MAML3: variants seen among roughly 807,000 people sequenced by gnomAD.
The protein encoded by MAML3 is mastermind-like protein 3.
A neutral mutation model predicts 101.9 loss-of-function variants in MAML3; 27 were observed. That is an observed-to-expected ratio of 0.27 (90% confidence interval 0.20 to 0.37). The LOEUF is 0.37. Among genes scored for constraint, MAML3 ranks in the 10% least tolerant of loss-of-function variants. The probability of loss-of-function intolerance (pLI) is 1.00; values close to 1 mark genes in which losing one functional copy is unlikely to be tolerated. For missense variants in MAML3, 1,316 were observed against 1,444.9 expected (o/e 0.91, Z 1.45); for synonymous variants, 501 against 555.9 (o/e 0.90, Z 1.39).
intron 1 of MAML3, among the ~76,000 whole-genome samples, chr4:140,120,935 C>G (rs1262172473): frequency 6.6e-6 from 1 of 152,044 alleles, no homozygotes; most frequent in African/African-American, 2.4e-5. Flanking sequence ...CTTCTACTAT[C>G]AACAAAAATC....
intron 2 of MAML3, among the ~76,000 whole-genome samples, chr4:139,860,764 T>C (rs2667365): frequency 0.56 from 84,615 of 152,028 alleles, 26,795 homozygotes; most frequent in African/African-American, 0.86. Context: ...TATGAGGTAT[T>C]GTAGGTACTC....
At chr4:140,074,199 G>GAGAAAGAAAGAGAAAGAA (rs1727719723) in intron 1 of MAML3, among the ~76,000 whole-genome samples, 1 of 81,962 alleles carries the variant, frequency 1.2e-5, no homozygotes, top group Admixed American at 1.3e-4. Context: ...GAGAAAGAAA[G>GAGAAAGAAAGAGAAAGAA]AGAAAGAAAG....
chr4:139,749,101 C>T (rs1177429021), intron 2 of MAML3, among the ~76,000 whole-genome samples: 1 of 152,100 alleles, frequency 6.6e-6, no homozygotes, highest in East Asian at 1.9e-4. Flanking sequence ...TATTTCCTTC[C>T]TCAGGAAAGA....
intron 1 of MAML3, among the ~76,000 whole-genome samples, chr4:139,999,850 T>A (rs9999045): frequency 0.5 from 75,645 of 152,052 alleles, 19,264 homozygotes; most frequent in East Asian, 0.65. Flanking sequence ...GGGGCCTCAG[T>A]TCTGGATATA....
chr4:140,031,970 G>A (rs2110892604), intron 1 of MAML3, among the ~76,000 whole-genome samples: 1 of 152,326 alleles, frequency 6.6e-6, no homozygotes, highest in East Asian at 1.9e-4. Flanking sequence ...CTAACTTGCA[G>A]TCTCTGTCTG....
chr4:140,049,529 G>A (rs757081671), intron 1 of MAML3, among the ~76,000 whole-genome samples: 4 of 152,212 alleles, frequency 2.6e-5, no homozygotes, highest in Admixed American at 2.6e-4. Flanking sequence ...AGAGCAGGCT[G>A]AGCTTAATAT....
At chr4:139,849,556 G>A (rs775014420) in intron 2 of MAML3, among the ~76,000 whole-genome samples, 9 of 152,204 alleles carry the variant, frequency 5.9e-5, no homozygotes, top group Non-Finnish European at 4.4e-5. Flanking sequence ...TTGTTCACAG[G>A]AAGGAGGAAT....
intron 1 of MAML3, among the ~76,000 whole-genome samples, chr4:139,902,246 C>A (rs1159609114): frequency 1.0e-5 from 1 of 99,648 alleles, no homozygotes; most frequent in African/African-American, 3.2e-5. Flanking sequence ...CAGGCGCGCA[C>A]GCACACGCAC....
intron 1 of MAML3, among the ~76,000 whole-genome samples, chr4:139,980,105 G>A (rs1157766187): frequency 6.6e-6 from 1 of 152,160 alleles, no homozygotes; most frequent in Non-Finnish European, 1.5e-5. Flanking sequence ...TCTTCCAGAG[G>A]CCAAGCCCAG....
chr4:140,073,498 TG>T (rs1227797131), intron 1 of MAML3, among the ~76,000 whole-genome samples: 1 of 152,080 alleles, frequency 6.6e-6, no homozygotes, highest in Non-Finnish European at 1.5e-5. Context: ...GTACTATAGA[TG>T]AGTTCCCTGG....
At position 139,720,063 on chromosome 4, in the gene MAML3, T is replaced by A. The variant is rs1487499740; in HGVS notation, c.2677A>T (p.Thr893Ser). The change falls in exon 5 of 5, where the codon ACA becomes TCA. Residue 893 changes from threonine (T) to serine (S), a missense_variant. Thr to Ser is a moderately conservative substitution (Grantham distance 58). Transcript: ENST00000509479. ...CTCGGTCCCTGGGCTTGGTTATGTGTGATGCTCATGCCACTTTGGTTTGGA... is the reference window on the plus strand; with the variant it reads ...CTCGGTCCCTGGGCTTGGTTATGTGAGATGCTCATGCCACTTTGGTTTGGA... ...QHPNQSGMSI[T>S]HNQAQGPRQP... 6.2e-7 allele frequency: 1 copy of A among 1,614,088 alleles called. No individual in the cohort carries two copies. Among genetic ancestry groups the A allele is most frequent in the Admixed American group, 1.7e-5 (1 of 60,034 alleles).
chr4:139,789,058 G>A (rs1730357665), intron 2 of MAML3, among the ~76,000 whole-genome samples: 1 of 152,306 alleles, frequency 6.6e-6, no homozygotes, highest in South Asian at 2.1e-4. Flanking sequence ...ATATAACCAA[G>A]GCCTTTTAAT....
At chr4:139,768,801 T>C (rs1729915317) in intron 2 of MAML3, among the ~76,000 whole-genome samples, 1 of 152,242 alleles carries the variant, frequency 6.6e-6, no homozygotes, top group Non-Finnish European at 1.5e-5. Context: ...ATCGTGGCTC[T>C]CTTGGACCAA....
chr4:139,863,129 G>C (rs1158295891), intron 2 of MAML3, among the ~76,000 whole-genome samples: 1 of 126,586 alleles, frequency 7.9e-6, no homozygotes. Context: ...CAGCCTGGGT[G>C]ACAGAGTGAG....
At chr4:140,147,093 A>T (rs1729076758) in intron 1 of MAML3, among the ~76,000 whole-genome samples, 1 of 143,468 alleles carries the variant, frequency 7.0e-6, no homozygotes, top group Admixed American at 7.7e-5. Context: ...AGATTGCATC[A>T]CTTCACTCCA....
At chr4:139,883,577 GTCA>G (rs2111190006) in intron 2 of MAML3, among the ~76,000 whole-genome samples, 1 of 152,274 alleles carries the variant, frequency 6.6e-6, no homozygotes, top group East Asian at 1.9e-4. Context: ...GTGTATGTTT[GTCA>G]GGAGGTAGTA....
intron 1 of MAML3, among the ~76,000 whole-genome samples, chr4:139,906,553 G>A (rs1239372591): frequency 6.6e-6 from 1 of 152,208 alleles, no homozygotes; most frequent in Non-Finnish European, 1.5e-5. Flanking sequence ...GAAGAACAAG[G>A]AATGATGGTT....
chr4:139,843,868 G>A (rs924234748), intron 2 of MAML3, among the ~76,000 whole-genome samples: 3 of 152,118 alleles, frequency 2.0e-5, no homozygotes, highest in Admixed American at 2.0e-4. Context: ...CCCATGGACG[G>A]CATTGTAGCC....
chr4:139,985,352 G>C (rs963202611), intron 1 of MAML3, among the ~76,000 whole-genome samples: 5 of 152,214 alleles, frequency 3.3e-5, no homozygotes, highest in African/African-American at 1.2e-4. Flanking sequence ...TGACCATGGA[G>C]CAGAGTTCTG....
Sources: allele counts gnomAD v4.1 joint callset (sites outside exome capture counted in the v4.1 genomes callset), GRCh38; gene constraint gnomAD v4.1.1; transcripts MANE v1.5; gene names NCBI Gene and HGNC (gene_info 2026-07-23, HGNC 2026-07-21).